COL24A1: variants seen among roughly 807,000 people sequenced by gnomAD.
COL24A1 encodes collagen alpha-1(XXIV) chain.
Under a neutral mutation model 253.9 loss-of-function variants are expected in COL24A1, and 224 were observed. That is an observed-to-expected ratio of 0.88 (90% CI 0.79 to 0.99). The LOEUF is 0.99. COL24A1 is among the 50% of genes least tolerant of loss of function. The pLI is 0.00. For synonymous variants in COL24A1, 685 were observed against 673.7 expected (o/e 1.02, Z -0.26); for missense variants, 2,131 against 2,068.5 (o/e 1.03, Z -0.59).
chr1:86,127,436 C>G (rs1250086941), intron 2 of COL24A1, among the ~76,000 whole-genome samples: 1 of 151,982 alleles, frequency 6.6e-6, no homozygotes, highest in East Asian at 1.9e-4. Context: ...GCAAATAGTT[C>G]TATAATTTCA....
At chr1:85,772,547 T>C (rs1402135338) in intron 53 of COL24A1, among the ~76,000 whole-genome samples, 1 of 152,128 alleles carries the variant, frequency 6.6e-6, no homozygotes, top group Non-Finnish European at 1.5e-5. Flanking sequence ...GCCTGACTTT[T>C]TAATGATCGC....
chr1:85,966,725 T>C (rs1274523203), intron 22 of COL24A1, among the ~76,000 whole-genome samples: 1 of 152,130 alleles, frequency 6.6e-6, no homozygotes. Context: ...TGAGAAATGA[T>C]AATTGGATCC....
Position 85,838,600 on chromosome 1 carries a change from TC to T in COL24A1, c.3665del (p.Gly1222GlufsTer14). Reference sequence around the variant, plus strand: ...TTGCAATTACCTTATATCCCTCTGCTCCAGGCTCTCCTCTCTCTCCTTGGTC... The same window carrying T: ...TTGCAATTACCTTATATCCCTCTGCTCAGGCTCTCCTCTCTCTCCTTGGTC... ...VGDQGERGEP[G>X]AEGYKGHVGV... On this transcript the variant is annotated frameshift_variant, in exon 43 of 60. Transcript: ENST00000370571. LOFTEE classifies it high-confidence loss of function. The T allele has an allele frequency of 6.2e-7, 1 of 1,613,906 alleles. No homozygotes were observed. The highest frequency in any genetic ancestry group is 8.5e-7 in the Non-Finnish European group (1 of 1,179,796).
intron 2 of COL24A1, among the ~76,000 whole-genome samples, chr1:86,132,189 T>C (rs1210024225): frequency 6.6e-5 from 10 of 152,214 alleles, no homozygotes; most frequent in Non-Finnish European, 1.2e-4. Context: ...GCTCATATCC[T>C]TTGCCCACTT....
At chr1:85,780,740 C>T (rs1669056385) in intron 52 of COL24A1, among the ~76,000 whole-genome samples, 1 of 152,178 alleles carries the variant, frequency 6.6e-6, no homozygotes, top group African/African-American at 2.4e-5. Context: ...TCCTTCATCA[C>T]TGTAACCTGT....
rs771801743 is a variant in COL24A1, at chr1:86,126,178, T to G, written c.158A>C (p.Lys53Thr). 1.4e-5 allele frequency: 23 copies of G among 1,604,700 alleles called. No individual in the cohort carries two copies. Among genetic ancestry groups the G allele is most frequent in the Non-Finnish European group, 1.7e-5 (20 of 1,179,230 alleles). Reference protein sequence around the residue: ...DILHQLGLGGKDVRHSSPATA... With the variant: ...DILHQLGLGGTDVRHSSPATA... The stretch of plus-strand genomic sequence containing the variant: ...CGCTGGTGATGAGTGTCTTACGTCT[T>G]TGCCTCCAAGGCCTAGTTGATGAAG... The change falls in exon 3 of 60, where the codon AAA (lysine) becomes ACA (threonine). Residue 53 changes from lysine to threonine, a missense_variant. By Grantham distance (78) the Lys-to-Thr change is moderately conservative. Coordinates refer to ENST00000370571, the MANE Select transcript of COL24A1 (RefSeq NM_152890.7).
At chr1:85,858,912 A>G (rs1678819200) in intron 37 of COL24A1, among the ~76,000 whole-genome samples, 1 of 151,842 alleles carries the variant, frequency 6.6e-6, no homozygotes, top group South Asian at 2.1e-4. Context: ...ATTTTACAAA[A>G]TTTTTGGTAG....
intron 19 of COL24A1, among the ~76,000 whole-genome samples, chr1:86,004,193 C>T (rs1571562384): frequency 2.0e-5 from 3 of 152,292 alleles, no homozygotes; most frequent in South Asian, 4.1e-4. Context: ...AAATTTCTTA[C>T]ATTGGGCACC....
intron 1 of COL24A1, chr1:86,156,101 CG>C: frequency 1.5e-5 from 6 of 395,652 alleles, no homozygotes; most frequent in Admixed American, 4.5e-5. Context: ...CTTTTCCTCT[CG>C]AGCCAAAAGA....
chr1:86,112,063 ATCAT>A (rs947713600), intron 5 of COL24A1, among the ~76,000 whole-genome samples: 2 of 152,208 alleles, frequency 1.3e-5, no homozygotes, highest in African/African-American at 4.8e-5. Context: ...CAATATGACT[ATCAT>A]ACAACTATGT....
intron 22 of COL24A1, 107 bp from the exon 23 acceptor site, chr1:85,965,169 AC>A: frequency 6.2e-6 from 5 of 809,746 alleles, no homozygotes; most frequent in Non-Finnish European, 9.7e-6. Context: ...AAATTTAAAT[AC>A]TTTAAAATTA....
At chr1:86,153,470 A>T (rs894545906) in intron 1 of COL24A1, among the ~76,000 whole-genome samples, 2 of 152,240 alleles carry the variant, frequency 1.3e-5, no homozygotes, top group Admixed American at 6.5e-5. Flanking sequence ...CTTTTATGAG[A>T]ATGAAAATAA....
At chr1:85,754,670 G>T (rs894467288) in intron 55 of COL24A1, among the ~76,000 whole-genome samples, 12 of 151,048 alleles carry the variant, frequency 7.9e-5, no homozygotes, top group Admixed American at 4.0e-4. Flanking sequence ...AAGTTAAAAA[G>T]TACAATAGCT....
chr1:85,925,840 A>C (rs1414358746), intron 24 of COL24A1, among the ~76,000 whole-genome samples: 1 of 152,196 alleles, frequency 6.6e-6, no homozygotes. Flanking sequence ...AGTTAAACTA[A>C]AGAGCTTCTG....
In COL24A1 at chr1:85,730,569, T is replaced by G; in HGVS notation, c.5122A>C (p.Ser1708Arg). 6.2e-7 allele frequency: 1 copy of G among 1,613,964 alleles called. No homozygotes were observed. The highest frequency in any genetic ancestry group is 8.5e-7 in the Non-Finnish European group (1 of 1,179,864). ...LKTERKYYID[S>R]SSVCFL ...CTTTACAGAAAGCATACAGAACTGC[T>G]GTCAATGTAATACTTTCGTTCAGTT... Residue 1708 changes from serine to arginine, a missense_variant, in exon 60 of 60, where the codon AGC becomes CGC. Physicochemically the swap from Ser to Arg is moderately radical, Grantham distance 110. Transcript: ENST00000370571.
At chr1:85,960,831 C>T in intron 24 of COL24A1, 1 of 174,322 alleles carries the variant, frequency 5.7e-6, no homozygotes, top group Non-Finnish European at 1.2e-5. Context: ...ATGCAGTGAG[C>T]CAAGATCATG....
intron 32 of COL24A1, among the ~76,000 whole-genome samples, chr1:85,885,244 A>T (rs187020554): frequency 6.6e-6 from 1 of 151,934 alleles, no homozygotes; most frequent in Non-Finnish European, 1.5e-5. Context: ...TCCGTCACCC[A>T]GGCTGGAGTG....
chr1:86,156,512 T>C lies in COL24A1; in HGVS notation c.-116A>G, dbSNP rs1054356131. The stretch of plus-strand genomic sequence containing the variant: ...GGAAAAAACAATCACATGAAAACCA[T>C]GCTTCAAACCCGCAACAAGAAAAAA... On this transcript the variant is annotated 5_prime_UTR_variant, in exon 1 of 60. It removes an upstream start codon present in the reference 5' UTR. Transcript: ENST00000370571. 1 of 926,008 alleles carries C rather than the reference T, an allele frequency of 1.1e-6. No individual in the cohort carries two copies. The allele number at this position is 926,008 out of a possible 1,614,324, so 57.4% of individuals were successfully genotyped here.
At chr1:85,967,183 CTG>C (rs1042775993) in intron 22 of COL24A1, among the ~76,000 whole-genome samples, 17 of 152,248 alleles carry the variant, frequency 1.1e-4, no homozygotes, top group African/African-American at 4.1e-4. Flanking sequence ...TGTCAGAAAA[CTG>C]TAAGTTCTCT....
Sources: gnomAD v4.1 joint callset for allele counts (sites outside exome capture counted in the v4.1 genomes callset) on GRCh38, gnomAD v4.1.1 for gene constraint, MANE v1.5 for transcripts, NCBI Gene and HGNC (gene_info 2026-07-23, HGNC 2026-07-21) for gene names.